Variants in TSPAN9 observed in about 807,000 individuals in gnomAD.
TSPAN9 encodes the protein tetraspanin-9.
A neutral mutation model predicts 31.0 loss-of-function variants in TSPAN9; 16 were observed. That is an observed-to-expected ratio of 0.52 (90% CI 0.35 to 0.78). The LOEUF (loss-of-function observed/expected upper bound fraction) is 0.78, where lower values mean the gene tolerates loss of function less well. Among genes scored for constraint, TSPAN9 ranks in the 30% least tolerant of loss-of-function variants. TSPAN9 has a pLI of 0.01. For missense variants in TSPAN9, 272 were observed against 312.5 expected (o/e 0.87, Z 0.98); for synonymous variants, 145 against 121.6 (o/e 1.19, Z -1.27).
chr12:3,281,074 C>T (rs1862882651), intron 6 of TSPAN9, 124 bp from the exon 7 acceptor site: 2 of 1,462,596 alleles, frequency 1.4e-6, no homozygotes, highest in Admixed American at 5.1e-5. Context: ...CCCTTTGTCT[C>T]CTCCCTTAAC....
intron 2 of TSPAN9, among the ~76,000 whole-genome samples, chr12:3,116,301 T>C (rs868088): frequency 0.32 from 48,590 of 151,986 alleles, 7,980 homozygotes; most frequent in Middle Eastern, 0.45. Context: ...TGCCTGGACA[T>C]TTGACCTTAG....
At chr12:3,137,047 C>G (rs1205529051) in intron 2 of TSPAN9, among the ~76,000 whole-genome samples, 1 of 152,222 alleles carries the variant, frequency 6.6e-6, no homozygotes, top group Non-Finnish European at 1.5e-5. Context: ...CACTGCTACT[C>G]TGGGATCAAC....
chr12:3,119,686 C>G (rs1368616338), intron 2 of TSPAN9, among the ~76,000 whole-genome samples: 1 of 152,218 alleles, frequency 6.6e-6, no homozygotes, highest in East Asian at 1.9e-4. Flanking sequence ...CCGCTTCTCC[C>G]TTCTTTCAGG....
chr12:3,161,456 G>T (rs2098345179), intron 2 of TSPAN9, among the ~76,000 whole-genome samples: 1 of 152,140 alleles, frequency 6.6e-6, no homozygotes, highest in Non-Finnish European at 1.5e-5. Context: ...TTTTTCTCCT[G>T]TGGGTATGCA....
chr12:3,184,816 G>A (rs941462110), intron 2 of TSPAN9, among the ~76,000 whole-genome samples: 2 of 152,216 alleles, frequency 1.3e-5, no homozygotes, highest in African/African-American at 4.8e-5. Flanking sequence ...TCGGAGGCTT[G>A]GGTGTCCATG....
chr12:3,281,731 C>T lies in TSPAN9; in HGVS notation c.565-3C>T, dbSNP rs747469749. On this transcript the variant is annotated splice_polypyrimidine_tract_variant and splice_region_variant and intron_variant, in intron 7 of 8. Transcript: ENST00000011898. ...CCCTAACCTCGTGGGCCTCGCTCCC[C>T]AGGGCTGCTATGAAAAGGTGAAGAT... 1 of 1,611,772 alleles carries T rather than the reference C, an allele frequency of 6.2e-7. No individual in the cohort carries two copies. The highest frequency in any genetic ancestry group is 8.5e-7 in the Non-Finnish European group (1 of 1,178,026).
chr12:3,260,118 C>G lies in TSPAN9; in HGVS notation c.64-18303C>G, dbSNP rs147736741. 2.0e-5 allele frequency among the ~76,000 whole-genome samples: 3 copies of G among 152,368 alleles called. No homozygotes were observed. In the East Asian group the frequency reaches 5.8e-4, roughly 29 times the overall value. The stretch of plus-strand genomic sequence containing the variant: ...CAAGGGGGCACGTGGGTGCAGGAGG[C>G]TGGAGCTCCCAGGCAGGGCTGCCCA... On this transcript the variant is annotated intron_variant, in intron 3 of 8. Coordinates refer to ENST00000011898, the MANE Select transcript of TSPAN9 (RefSeq NM_006675.5).
At chr12:3,128,526 C>A (rs2153966767) in intron 2 of TSPAN9, among the ~76,000 whole-genome samples, 1 of 152,290 alleles carries the variant, frequency 6.6e-6, no homozygotes, top group Non-Finnish European at 1.5e-5. Flanking sequence ...AAGTTCAAGA[C>A]CAGCCTGGGC....
At chr12:3,226,236 A>C (rs1240979712) in intron 3 of TSPAN9, among the ~76,000 whole-genome samples, 3 of 152,122 alleles carry the variant, frequency 2.0e-5, no homozygotes. Context: ...CTCTAGTTGC[A>C]CATAGCGGGA....
chr12:3,240,246 G>A (rs1210054781), intron 3 of TSPAN9, among the ~76,000 whole-genome samples: 3 of 152,070 alleles, frequency 2.0e-5, no homozygotes, highest in African/African-American at 7.3e-5. Context: ...CTCCTTGAGG[G>A]GTGCGTTTGG....
intron 3 of TSPAN9, among the ~76,000 whole-genome samples, chr12:3,272,308 G>A (rs1343696119): frequency 6.6e-6 from 1 of 152,156 alleles, no homozygotes; most frequent in African/African-American, 2.4e-5. Flanking sequence ...TTTTCAGGAG[G>A]ATTTGCATGT....
rs115745111 is a variant in TSPAN9 at position 3,235,919 on chromosome 12, A to T, written c.63+34663A>T. Among the ~76,000 whole-genome samples the T allele has an allele frequency of 5.6e-3, 849 of 152,272 alleles. 9 individuals carry two copies. The highest frequency in any genetic ancestry group is 0.019 in the African/African-American group (791 of 41,542). ...TGGGGGAGTCCAGCCAATCTTCTCA[A>T]ATGAGGACTTGCTGAAGCCATGGCT... On this transcript the variant is annotated intron_variant, in intron 3 of 8. Transcript: ENST00000011898.
intron 3 of TSPAN9, among the ~76,000 whole-genome samples, chr12:3,238,369 A>G (rs957279987): frequency 2.0e-5 from 3 of 152,146 alleles, no homozygotes; most frequent in Non-Finnish European, 4.4e-5. Flanking sequence ...CCCTGGGGAC[A>G]TGTGTCCTGA....
chr12:3,154,443 C>T (rs148826294), intron 2 of TSPAN9, among the ~76,000 whole-genome samples: 10 of 152,310 alleles, frequency 6.6e-5, no homozygotes, highest in East Asian at 3.9e-4. Context: ...AGGTCTCGCT[C>T]GCACCCTTAG....
chr12:3,225,706 C>G (rs192300963), intron 3 of TSPAN9, among the ~76,000 whole-genome samples: 122 of 151,964 alleles, frequency 8.0e-4, no homozygotes, highest in Non-Finnish European at 1.4e-3. Context: ...AGCCAGGGGC[C>G]GAGTAATTGC....
chr12:3,161,774 T>TCTAC (rs1448320981), intron 2 of TSPAN9, among the ~76,000 whole-genome samples: 1 of 59,642 alleles, frequency 1.7e-5, no homozygotes, highest in Non-Finnish European at 4.6e-5. Context: ...TGGGTTGAAA[T>TCTAC]CTATCTATCT....
chr12:3,147,979 T>G lies in TSPAN9; in HGVS notation c.-17-53198T>G, dbSNP rs1461961599. ...AGTCTAATCTGGGTACATTTGGAGA[T>G]TGAGTGGAGGGTCTGGATAGGGGAG... On this transcript the variant is annotated intron_variant, in intron 2 of 8. Transcript: ENST00000011898. The surrounding 1 kb of genome is among the most constrained non-coding windows in gnomAD (Gnocchi z 4.3). Among the ~76,000 whole-genome samples, 2 of 151,952 alleles carry G rather than the reference T, an allele frequency of 1.3e-5. No individual in the cohort carries two copies. Among genetic ancestry groups the G allele is most frequent in the African/African-American group, 4.8e-5 (2 of 41,350 alleles).
At chr12:3,151,335 A>G (rs1457950187) in intron 2 of TSPAN9, 1 of 152,234 alleles carries the variant, frequency 6.6e-6, no homozygotes, top group East Asian at 1.9e-4. Context: ...CCTGCACTGT[A>G]TGTAATTGGG....
rs964453118 is a variant in TSPAN9 at position 3,283,723 on chromosome 12, T to G, written c.*607T>G. The G allele has an allele frequency of 6.5e-6, 1 of 152,772 alleles. No individual in the cohort carries two copies. Among genetic ancestry groups the G allele is most frequent in the Non-Finnish European group, 1.5e-5 (1 of 68,112 alleles). The allele number at this position is 152,772 out of a possible 1,614,324, so 9.5% of individuals were successfully genotyped here. A position where few individuals can be genotyped will look rare whatever the true frequency, so the allele number is the denominator to read the frequency against. ...TAACTTTTTACTGTGTTGATTTCTTTAATGGTTTGACTTTTTTTCCCTGAG... is the reference window on the plus strand; with the variant it reads ...TAACTTTTTACTGTGTTGATTTCTTGAATGGTTTGACTTTTTTTCCCTGAG... On this transcript the variant is annotated 3_prime_UTR_variant, in exon 9 of 9. Transcript: ENST00000011898.
Sources: allele counts gnomAD v4.1 joint callset (sites outside exome capture counted in the v4.1 genomes callset), GRCh38; gene constraint gnomAD v4.1.1; non-coding constraint Gnocchi (gnomAD v3.1); transcripts MANE v1.5; gene names NCBI Gene and HGNC (gene_info 2026-07-23, HGNC 2026-07-21).